Variants in NCOA6 observed in about 807,000 individuals in gnomAD.
NCOA6 encodes the protein NRC RAP250.
NCOA6 carries 49 observed loss-of-function variants against 171.4 expected under a neutral mutation model. That is an observed-to-expected ratio of 0.29 (90% confidence interval 0.23 to 0.36). NCOA6 has a LOEUF of 0.36. Ranked by LOEUF, NCOA6 falls within the 10% of genes least tolerant of loss-of-function variation. The pLI, the probability that NCOA6 is intolerant of heterozygous loss-of-function variation, is 1.00. For missense variants in NCOA6, 2,248 were observed against 2,554.5 expected, an observed-to-expected ratio of 0.88 and a Z score of 2.59; for synonymous variants, 910 against 927.5, an observed-to-expected ratio of 0.98 and a Z score of 0.34.
At chr20:34,780,482 G>C (rs994741469) in intron 3 of NCOA6, among the ~76,000 whole-genome samples, 1 of 151,648 alleles carries the variant, frequency 6.6e-6, no homozygotes, top group African/African-American at 2.4e-5. Context: ...CACCCGAGTA[G>C]CTGGGATTAC....
intron 5 of NCOA6, among the ~76,000 whole-genome samples, chr20:34,765,826 C>T (rs1349857098): frequency 6.6e-6 from 1 of 151,942 alleles, no homozygotes; most frequent in African/African-American, 2.4e-5. Context: ...CTATAGTATC[C>T]CCACAAATCT....
intron 1 of NCOA6, among the ~76,000 whole-genome samples, chr20:34,796,491 G>C (rs1401759778): frequency 6.6e-6 from 1 of 151,952 alleles, no homozygotes; most frequent in Non-Finnish European, 1.5e-5. Flanking sequence ...GTGTGGTAGT[G>C]TGTGCCTGTA....
At chr20:34,809,118 G>A (rs372349754) in intron 1 of NCOA6, among the ~76,000 whole-genome samples, 61 of 152,130 alleles carry the variant, frequency 4.0e-4, no homozygotes, top group East Asian at 1.7e-3. Flanking sequence ...GCCTCCATTC[G>A]CCTCCAGAAT....
chr20:34,753,532 G>A (rs1276610552), intron 8 of NCOA6, among the ~76,000 whole-genome samples: 1 of 151,760 alleles, frequency 6.6e-6, no homozygotes, highest in Admixed American at 6.6e-5. Context: ...ATGGTGGCGG[G>A]CACCTGTAAT....
At chr20:34,822,454 T>A (rs2079034790) in intron 1 of NCOA6, among the ~76,000 whole-genome samples, 1 of 152,216 alleles carries the variant, frequency 6.6e-6, no homozygotes, top group Admixed American at 6.5e-5. Context: ...TTCCTGTATC[T>A]TTTAGGACAC....
chr20:34,754,285 CAG>C (rs2076580260), intron 8 of NCOA6, among the ~76,000 whole-genome samples: 2 of 152,204 alleles, frequency 1.3e-5, no homozygotes, highest in South Asian at 4.1e-4. Context: ...AGCTCTAACT[CAG>C]GGGTCAGCAA....
chr20:34,794,564 TC>T (rs2078001676), intron 1 of NCOA6, among the ~76,000 whole-genome samples: 1 of 151,956 alleles, frequency 6.6e-6, no homozygotes, highest in Non-Finnish European at 1.5e-5. Flanking sequence ...CAAAAAGATC[TC>T]CAAGATATAT....
chr20:34,816,134 TC>T (rs2078827594), intron 1 of NCOA6, among the ~76,000 whole-genome samples: 1 of 152,206 alleles, frequency 6.6e-6, no homozygotes, highest in African/African-American at 2.4e-5. Flanking sequence ...CCTATGTCCA[TC>T]ATTCCTTTGG....
At chr20:34,784,957 T>C (rs929839524) in intron 2 of NCOA6, among the ~76,000 whole-genome samples, 21 of 152,102 alleles carry the variant, frequency 1.4e-4, no homozygotes, top group Admixed American at 2.6e-4. Flanking sequence ...AGCAGGCGCC[T>C]ATAATCCCAG....
chr20:34,807,691 AATTTTTTGT>A (rs1265053224), intron 1 of NCOA6, among the ~76,000 whole-genome samples: 2 of 151,978 alleles, frequency 1.3e-5, no homozygotes, highest in African/African-American at 4.8e-5. Flanking sequence ...AGTCCTGGCT[AATTTTTTGT>A]ATTTTTAATA....
chr20:34,768,904 G>A (rs1222227632), intron 4 of NCOA6, among the ~76,000 whole-genome samples: 6 of 151,888 alleles, frequency 4.0e-5, no homozygotes, highest in Admixed American at 3.3e-4. Context: ...GTGTGTGTGT[G>A]GGGTGTGTGT....
intron 13 of NCOA6, 24 bp downstream of exon 13, chr20:34,732,535 C>T (rs745834341): frequency 1.1e-5 from 18 of 1,610,904 alleles, no homozygotes; most frequent in Middle Eastern, 1.6e-4. Context: ...GTTCATGCTA[C>T]GTCTGCAGAA....
chr20:34,796,659 T>A (rs1256304628), intron 1 of NCOA6, among the ~76,000 whole-genome samples: 3 of 151,798 alleles, frequency 2.0e-5, no homozygotes, highest in South Asian at 4.2e-4. Flanking sequence ...CTAAAAAAAA[T>A]AAATAAAAAA....
At position 34,746,840 on chromosome 20, in the gene NCOA6, G is replaced by T; in HGVS notation, c.2881C>A (p.Pro961Thr). The T allele has an allele frequency of 3.7e-6, 6 of 1,607,284 alleles. No individual in the cohort carries two copies. The highest frequency in any genetic ancestry group is 5.1e-6 in the Non-Finnish European group (6 of 1,175,998). ...CGGTTTGAAAATTCTGGCAGTTTAGGGCCTGAGTTATCCAAGTTAATTCCT... is the reference window on the plus strand; with the variant it reads ...CGGTTTGAAAATTCTGGCAGTTTAGTGCCTGAGTTATCCAAGTTAATTCCT... ...EQGINLDNSG[P>T]KLPEFSNRPP... The change falls in exon 10 of 15, where the codon CCT (proline) becomes ACT (threonine). Residue 961 changes from proline (P) to threonine (T), a missense_variant. Transcript: ENST00000359003.
intron 14 of NCOA6, 105 bp downstream of exon 14, chr20:34,727,154 C>A: frequency 7.4e-7 from 1 of 1,355,862 alleles, no homozygotes; most frequent in Non-Finnish European, 1.0e-6. Flanking sequence ...ACTTGACAGA[C>A]TTCAGGAACA....
chr20:34,736,442 C>T (rs180754408), intron 12 of NCOA6, among the ~76,000 whole-genome samples: 75 of 152,240 alleles, frequency 4.9e-4, no homozygotes, highest in African/African-American at 1.4e-3. Context: ...ACAATGGGCA[C>T]GGAATTGCCC....
intron 2 of NCOA6, among the ~76,000 whole-genome samples, chr20:34,792,023 G>T (rs2077902659): frequency 6.6e-6 from 1 of 152,086 alleles, no homozygotes; most frequent in Non-Finnish European, 1.5e-5. Flanking sequence ...GATAAAAACA[G>T]TCTAATTTTT....
At position 34,810,657 on chromosome 20, in the gene NCOA6, G is replaced by A. The variant is rs538414548; in HGVS notation, c.-164+14815C>T. ...TGCAAGCTCCGCCTCCCGGGTTCACGCCATTCTCCTGCCTCAGCCTCCCGA... is the reference window on the plus strand; with the variant it reads ...TGCAAGCTCCGCCTCCCGGGTTCACACCATTCTCCTGCCTCAGCCTCCCGA... On this transcript the variant is annotated intron_variant, in intron 1 of 14. Transcript: ENST00000359003. 2.9e-4 allele frequency among the ~76,000 whole-genome samples: 44 copies of A among 151,966 alleles called. No homozygotes were observed. The South Asian group carries it at 8.9e-3, about 31-fold the overall frequency.
chr20:34,806,292 C>G (rs551008120), intron 1 of NCOA6, among the ~76,000 whole-genome samples: 1 of 152,226 alleles, frequency 6.6e-6, no homozygotes, highest in African/African-American at 2.4e-5. Flanking sequence ...ATTTCAGTTC[C>G]TTCTTTATTC....
Sources: gnomAD v4.1 joint callset for allele counts (sites outside exome capture counted in the v4.1 genomes callset) on GRCh38, gnomAD v4.1.1 for gene constraint, MANE v1.5 for transcripts, NCBI Gene and HGNC (gene_info 2026-07-23, HGNC 2026-07-21) for gene names.